The following NELL1 variants were observed in gnomAD, a reference collection of about 807,000 sequenced individuals.
NELL1 encodes neural EGFL like 1.
A neutral mutation model predicts 107.4 loss-of-function variants in NELL1; 76 were observed. The ratio of observed to expected loss-of-function variants is 0.71; its 90% CI spans 0.59 to 0.86. The LOEUF (loss-of-function observed/expected upper bound fraction) is 0.86. Ranked by LOEUF, NELL1 falls within the 40% of genes least tolerant of loss-of-function variation. The pLI is 0.00. For missense variants in NELL1, 1,024 were observed against 1,005.5 expected (o/e 1.02, Z -0.25); for synonymous variants, 353 against 341.2 (o/e 1.03, Z -0.38).
intron 13 of NELL1, among the ~76,000 whole-genome samples, chr11:21,221,656 A>G (rs988265080): frequency 6.6e-6 from 1 of 152,034 alleles, no homozygotes; most frequent in Non-Finnish European, 1.5e-5. Flanking sequence ...TAGGTTTTCC[A>G]GTTTGTTGGC....
chr11:21,134,442 T>G (rs559137287), intron 13 of NELL1, among the ~76,000 whole-genome samples: 11 of 152,316 alleles, frequency 7.2e-5, no homozygotes, highest in African/African-American at 2.4e-4. Flanking sequence ...TGTGATGGCC[T>G]TTAGCCTTCA....
At chr11:21,272,833 G>A (rs975006895) in intron 14 of NELL1, among the ~76,000 whole-genome samples, 1 of 152,216 alleles carries the variant, frequency 6.6e-6, no homozygotes, top group African/African-American at 2.4e-5. Flanking sequence ...CAGACCTGCA[G>A]CTGAGGTTCC....
At chr11:21,073,688 G>A (rs2134383097) in intron 12 of NELL1, among the ~76,000 whole-genome samples, 1 of 152,238 alleles carries the variant, frequency 6.6e-6, no homozygotes, top group South Asian at 2.1e-4. Flanking sequence ...AAGGCTTCCT[G>A]GAGGAAGTAG....
At chr11:21,341,496 T>C (rs181524036) in intron 14 of NELL1, among the ~76,000 whole-genome samples, 1 of 152,316 alleles carries the variant, frequency 6.6e-6, no homozygotes, top group East Asian at 1.9e-4. Flanking sequence ...ATGTTGGTAA[T>C]TCAAAGTAAT....
At chr11:21,521,611 T>C (rs1265430409) in intron 15 of NELL1, among the ~76,000 whole-genome samples, 2 of 152,216 alleles carry the variant, frequency 1.3e-5, no homozygotes, top group African/African-American at 2.4e-5. Context: ...TATCATTTCA[T>C]GTGTTTTGAA....
intron 12 of NELL1, among the ~76,000 whole-genome samples, chr11:21,069,911 G>A (rs1230285140): frequency 6.6e-6 from 1 of 152,158 alleles, no homozygotes; most frequent in Non-Finnish European, 1.5e-5. Flanking sequence ...GTTGAAATGT[G>A]TGGACACAAT....
At chr11:20,897,152 A>C (rs1475275255) in intron 5 of NELL1, among the ~76,000 whole-genome samples, 2 of 152,190 alleles carry the variant, frequency 1.3e-5, no homozygotes, top group African/African-American at 4.8e-5. Flanking sequence ...ATGCTACCTG[A>C]CTTCAAACTA....
rs956836823 is a variant in NELL1 at position 21,204,276 on chromosome 11, A to T, written c.1427-25056A>T. ...AAATGTAGATTTAGTTTTTTCACAC[A>T]GTCCCGTATTTCTTGGAGGCTTTAT... On this transcript the variant is annotated intron_variant, in intron 13 of 19. Coordinates refer to ENST00000357134, the MANE Select transcript of NELL1 (RefSeq NM_006157.5). Among the ~76,000 whole-genome samples the T allele has an allele frequency of 4.6e-5, 7 of 152,028 alleles. No individual in the cohort carries two copies. The East Asian group carries it at 1.2e-3, about 25-fold the overall frequency.
chr11:21,331,000 C>A (rs1445953585), intron 14 of NELL1, among the ~76,000 whole-genome samples: 4 of 152,000 alleles, frequency 2.6e-5, no homozygotes, highest in East Asian at 3.9e-4. Flanking sequence ...GTTTTTGAGA[C>A]CCTCTAGTAC....
At chr11:21,290,015 C>T (rs1849214286) in intron 14 of NELL1, among the ~76,000 whole-genome samples, 1 of 152,134 alleles carries the variant, frequency 6.6e-6, no homozygotes, top group Admixed American at 6.5e-5. Flanking sequence ...GATAAAATTC[C>T]CATCTCCCTC....
At chr11:20,860,769 A>G (rs946202582) in intron 4 of NELL1, among the ~76,000 whole-genome samples, 4 of 152,140 alleles carry the variant, frequency 2.6e-5, no homozygotes, top group Non-Finnish European at 5.9e-5. Context: ...CTTGCTCTCA[A>G]GTTGAATTTA....
intron 12 of NELL1, among the ~76,000 whole-genome samples, chr11:20,984,861 T>C (rs1275784220): frequency 6.6e-6 from 1 of 152,176 alleles, no homozygotes; most frequent in Non-Finnish European, 1.5e-5. Flanking sequence ...TTAAATTTCT[T>C]CTTAGAGTCC....
chr11:20,762,865 G>A (rs1007825678), intron 2 of NELL1, among the ~76,000 whole-genome samples: 7 of 152,116 alleles, frequency 4.6e-5, no homozygotes, highest in Non-Finnish European at 1.0e-4. Context: ...AATAGTGGCA[G>A]GAAAAACTTA....
At chr11:21,329,104 C>T (rs1387191941) in intron 14 of NELL1, among the ~76,000 whole-genome samples, 1 of 151,978 alleles carries the variant, frequency 6.6e-6, no homozygotes, top group East Asian at 1.9e-4. Context: ...TTGGGAGGGT[C>T]CAGAAGCAGA....
At chr11:21,539,831 CCCATTTAGGG>C (rs948115450) in intron 16 of NELL1, among the ~76,000 whole-genome samples, 48 of 151,578 alleles carry the variant, frequency 3.2e-4, no homozygotes, top group African/African-American at 6.8e-4. Context: ...AATGCCTGTT[CCCATTTAGGG>C]CCATTTAGGG....
At chr11:20,835,791 G>A (rs1441032855) in intron 3 of NELL1, among the ~76,000 whole-genome samples, 2 of 152,146 alleles carry the variant, frequency 1.3e-5, no homozygotes, top group Non-Finnish European at 2.9e-5. Context: ...AATAGATTAT[G>A]TACTTTACTG....
At chr11:20,763,627 T>A (rs1055276567) in intron 2 of NELL1, among the ~76,000 whole-genome samples, 4 of 152,264 alleles carry the variant, frequency 2.6e-5, no homozygotes, top group Admixed American at 1.3e-4. Context: ...ATAAGGAAAA[T>A]GGCTGTATTT....
chr11:21,567,316 G>C (rs76407460), intron 17 of NELL1, among the ~76,000 whole-genome samples: 10,604 of 151,794 alleles, frequency 0.07, 473 homozygotes, highest in Non-Finnish European at 0.094. Context: ...TTAAAATAAT[G>C]GTATATGAGC....
At chr11:21,391,446 T>A (rs2133783639) in intron 15 of NELL1, among the ~76,000 whole-genome samples, 1 of 151,956 alleles carries the variant, frequency 6.6e-6, no homozygotes, top group South Asian at 2.1e-4. Flanking sequence ...CTCTGTTCTT[T>A]ATTTTTGGAA....
Sources: allele counts gnomAD v4.1 joint callset (sites outside exome capture counted in the v4.1 genomes callset), GRCh38; gene constraint gnomAD v4.1.1; transcripts MANE v1.5; gene names NCBI Gene and HGNC (gene_info 2026-07-23, HGNC 2026-07-21).